CDK5RAP2: variants seen among roughly 807,000 people sequenced by gnomAD.
CDK5RAP2 encodes the protein CDK5 regulatory subunit associated protein 2.
CDK5RAP2 carries 147 observed loss-of-function variants against 232.9 expected under a neutral mutation model. The observed-to-expected ratio is 0.63, with a 90% confidence interval of 0.55 to 0.72. The LOEUF is 0.72. Among genes scored for constraint, CDK5RAP2 ranks in the 30% least tolerant of loss-of-function variants. The pLI is 0.00. For missense variants in CDK5RAP2, 2,195 were observed against 2,231.5 expected (o/e 0.98, Z 0.33); for synonymous variants, 833 against 833.7 (o/e 1.00, Z 0.01).
intron 1 of CDK5RAP2, among the ~76,000 whole-genome samples, chr9:120,579,422 T>C (rs776997395): frequency 4.6e-5 from 7 of 152,212 alleles, no homozygotes; most frequent in Non-Finnish European, 7.3e-5. Flanking sequence ...AGGGCTGGAT[T>C]TGAATCCAGT....
At position 120,518,471 on chromosome 9, in the gene CDK5RAP2, C is replaced by T. The variant is rs2040463144; in HGVS notation, c.1267G>A (p.Glu423Lys). ...QERERLEKDL[E>K]EAHREKSKGD... The stretch of plus-strand genomic sequence containing the variant: ...TTGCTCTTCTCTCGATGGGCTTCCT[C>T]CAGGTCCTTCTCCAGTCTCTCCCTC... Residue 423 changes from glutamate to lysine, a missense_variant, in exon 12 of 38, where the codon GAG becomes AAG. Physicochemically the swap from Glu to Lys is moderately conservative, Grantham distance 56 (BLOSUM62 1). Coordinates refer to ENST00000349780, the MANE Select transcript of CDK5RAP2 (RefSeq NM_018249.6). The T allele has an allele frequency of 6.2e-7, 1 of 1,613,724 alleles. No individual in the cohort carries two copies. Among genetic ancestry groups the T allele is most frequent in the Non-Finnish European group, 8.5e-7 (1 of 1,179,972 alleles).
chr9:120,458,831 G>A (rs1308088880), intron 19 of CDK5RAP2, among the ~76,000 whole-genome samples: 1 of 152,082 alleles, frequency 6.6e-6, no homozygotes, highest in Non-Finnish European at 1.5e-5. Flanking sequence ...TTTAACACAG[G>A]GAGATGTTCT....
intron 3 of CDK5RAP2, among the ~76,000 whole-genome samples, chr9:120,566,875 T>C (rs2042667260): frequency 6.6e-6 from 1 of 152,238 alleles, no homozygotes. Context: ...ATTCTAGGAT[T>C]CCTTTCAGTT....
chr9:120,458,282 C>T (rs565910645), intron 20 of CDK5RAP2, among the ~76,000 whole-genome samples, 168 bp downstream of exon 20: 1 of 152,184 alleles, frequency 6.6e-6, no homozygotes, highest in South Asian at 2.1e-4. Context: ...CAGCCACTAG[C>T]ATGCAGCCTA....
intron 35 of CDK5RAP2, among the ~76,000 whole-genome samples, chr9:120,398,055 T>C (rs974805350): frequency 1.3e-5 from 2 of 152,168 alleles, no homozygotes; most frequent in Non-Finnish European, 2.9e-5. Flanking sequence ...CAACAACCCA[T>C]TTCTCCAAGG....
chr9:120,539,273 G>A, intron 5 of CDK5RAP2, 109 bp from the exon 6 acceptor site: 4 of 1,337,950 alleles, frequency 3.0e-6, no homozygotes, highest in Non-Finnish European at 1.1e-6. Flanking sequence ...CCACAGACCT[G>A]TGCTGAGCTT....
At chr9:120,518,374 A>G in intron 12 of CDK5RAP2, 53 bp downstream of exon 12, 1 of 1,448,790 alleles carries the variant, frequency 6.9e-7, no homozygotes, top group Non-Finnish European at 9.7e-7. Context: ...AGACACAGCC[A>G]CATAGCCCCA....
At chr9:120,526,539 GC>G (rs951524094) in intron 10 of CDK5RAP2, among the ~76,000 whole-genome samples, 27 of 151,876 alleles carry the variant, frequency 1.8e-4, no homozygotes, top group African/African-American at 6.3e-4. Context: ...TACTTGCTGT[GC>G]CCACTGCTCT....
chr9:120,403,220 G>A lies in CDK5RAP2; in HGVS notation c.5042-149C>T, dbSNP rs750460479. The stretch of plus-strand genomic sequence containing the variant: ...CAAGCCCAGAGGGGAAAAGAGGCAC[G>A]CTCCTGGACCTCTGTATATTACCCC... On this transcript the variant is annotated intron_variant, in intron 33 of 37. Coordinates refer to ENST00000349780, the MANE Select transcript of CDK5RAP2 (RefSeq NM_018249.6). This position sits in a 1 kb window ranked among gnomAD's most constrained non-coding sequence, Gnocchi z 4.2. 2.5e-5 allele frequency: 18 copies of A among 716,064 alleles called. No homozygotes were observed. The highest frequency in any genetic ancestry group is 2.2e-4 in the South Asian group (13 of 58,134). 44.4% of individuals were successfully genotyped at this position (716,064 alleles called of 1,614,324 possible).
intron 3 of CDK5RAP2, among the ~76,000 whole-genome samples, chr9:120,567,299 G>A (rs1337091006): frequency 1.3e-5 from 2 of 152,172 alleles, no homozygotes; most frequent in Non-Finnish European, 2.9e-5. Context: ...GTCACTGGTG[G>A]TTTGCAGATA....
chr9:120,399,725 A>G (rs1283404490), intron 35 of CDK5RAP2, among the ~76,000 whole-genome samples: 1 of 152,172 alleles, frequency 6.6e-6, no homozygotes, highest in African/African-American at 2.4e-5. Context: ...TTCCTCCCTG[A>G]TACTCTGTCT....
rs577370569 is a variant in CDK5RAP2, at chr9:120,547,637, G to A, written c.307-1847C>T. 1.4e-4 allele frequency among the ~76,000 whole-genome samples: 22 copies of A among 152,142 alleles called. No homozygotes were observed. The South Asian group carries it at 2.3e-3, about 16-fold the overall frequency. On this transcript the variant is annotated intron_variant, in intron 4 of 37. Transcript: ENST00000349780. ...AAAATCATTTCCAGTAAGATTTACC[G>A]TCTCACAGGATATGCCTCCCTCCTT...
chr9:120,497,648 G>A (rs897563744), intron 12 of CDK5RAP2, among the ~76,000 whole-genome samples: 8 of 152,010 alleles, frequency 5.3e-5, no homozygotes, highest in African/African-American at 1.9e-4. Flanking sequence ...CTGACATTAC[G>A]CACCTCCAAA....
rs2035782446 is a variant in CDK5RAP2 at position 120,439,622 on chromosome 9, C to G, written c.3499G>C (p.Glu1167Gln). The G allele has an allele frequency of 6.2e-7, 1 of 1,614,186 alleles. No homozygotes were observed. Among genetic ancestry groups the G allele is most frequent in the Non-Finnish European group, 8.5e-7 (1 of 1,180,036 alleles). Residue 1167 changes from glutamate (E) to glutamine (Q), a missense_variant, in exon 24 of 38, where the codon GAA becomes CAA. By Grantham distance (29) the Glu-to-Gln change is conservative (BLOSUM62 2). Transcript: ENST00000349780. ...LSKPKNGSDGEEMTFSSLHQV... is the reference protein window; with the variant it reads ...LSKPKNGSDGQEMTFSSLHQV... ...TGCAAACTTGAAAAGGTCATTTCTT[C>G]CCCATCAGAACCATTCTTGGGCTTG...
At chr9:120,442,298 C>G (rs2035943979) in intron 23 of CDK5RAP2, among the ~76,000 whole-genome samples, 1 of 152,144 alleles carries the variant, frequency 6.6e-6, no homozygotes. Flanking sequence ...TCCTGCAATC[C>G]AATCTCCTGT....
intron 25 of CDK5RAP2, among the ~76,000 whole-genome samples, chr9:120,434,890 G>A (rs868321439): frequency 6.6e-6 from 1 of 152,170 alleles, no homozygotes; most frequent in Non-Finnish European, 1.5e-5. Flanking sequence ...GTCCCAATGG[G>A]TTTAAGAGAG....
Position 120,397,051 on chromosome 9 carries a change from G to A in CDK5RAP2, c.5452-2413C>T, listed in dbSNP as rs572420855. Reference sequence around the variant, plus strand: ...GGTGTAAGCAGCATGCCCAGTGTCCGCAGGAGGTCACCAGAAGAACCCTTC... The same window carrying A: ...GGTGTAAGCAGCATGCCCAGTGTCCACAGGAGGTCACCAGAAGAACCCTTC... On this transcript the variant is annotated intron_variant, in intron 35 of 37. Transcript: ENST00000349780. Among the ~76,000 whole-genome samples, 60 of 152,314 alleles carry A rather than the reference G, an allele frequency of 3.9e-4. 1 individual carries two copies. The highest frequency in any genetic ancestry group is 1.1e-3 in the African/African-American group (47 of 41,578).
chr9:120,534,339 T>C (rs2041293900), intron 7 of CDK5RAP2, among the ~76,000 whole-genome samples: 2 of 152,176 alleles, frequency 1.3e-5, no homozygotes, highest in South Asian at 4.1e-4. Flanking sequence ...GTCCAAGTAA[T>C]TCTTCCTCTT....
At chr9:120,463,065 T>C (rs1564253604) in intron 18 of CDK5RAP2, among the ~76,000 whole-genome samples, 1 of 152,098 alleles carries the variant, frequency 6.6e-6, no homozygotes, top group Non-Finnish European at 1.5e-5. Flanking sequence ...GTCTTTCCCA[T>C]CTTTTAAAAA....
Sources: gnomAD v4.1 joint callset for allele counts (sites outside exome capture counted in the v4.1 genomes callset) on GRCh38, gnomAD v4.1.1 for gene constraint, Gnocchi (gnomAD v3.1) non-coding constraint, MANE v1.5 for transcripts, NCBI Gene and HGNC (gene_info 2026-07-23, HGNC 2026-07-21) for gene names.